Variants in ROBO1 observed in about 807,000 individuals in gnomAD.
ROBO1 encodes the protein roundabout homolog 1.
Under a neutral mutation model 195.9 loss-of-function variants are expected in ROBO1, and 149 were observed. The observed-to-expected ratio is 0.76, with a 90% CI of 0.67 to 0.87. ROBO1 has a LOEUF of 0.87. Ranked by LOEUF, ROBO1 falls within the 40% of genes least tolerant of loss-of-function variation. ROBO1 has a pLI of 0.00. For missense variants in ROBO1, 1,933 were observed against 2,068.3 expected, an observed-to-expected ratio of 0.93 and a Z score of 1.27; for synonymous variants, 816 against 733.2, an observed-to-expected ratio of 1.11 and a Z score of -1.82.
At chr3:78,898,339 A>G (rs1308977578) in intron 4 of ROBO1, among the ~76,000 whole-genome samples, 4 of 148,388 alleles carry the variant, frequency 2.7e-5, no homozygotes, top group African/African-American at 7.4e-5. Flanking sequence ...ATATAGAGAG[A>G]GAGACAGATA....
At chr3:78,636,808 A>C (rs921733306) in intron 22 of ROBO1, among the ~76,000 whole-genome samples, 4 of 151,062 alleles carry the variant, frequency 2.6e-5, no homozygotes, top group Non-Finnish European at 4.4e-5. Flanking sequence ...TAACCTGGGT[A>C]ATTGAATCAA....
At position 78,711,350 on chromosome 3, in the gene ROBO1, C is replaced by CCTTTCTTTTCTTTCTTTCTTT. The variant is rs1302958232; in HGVS notation, c.1045+3046_1045+3047insAAAGAAAGAAAGAAAAGAAAG. ...CTCCTTCCTTCCTTCCTTCCTTCCT[C>CCTTTCTTTTCTTTCTTTCTTT]CTTCCTTCCTTCCTTCCTTCCTTCC... On this transcript the variant is annotated intron_variant, in intron 8 of 30. Transcript: ENST00000464233. Among the ~76,000 whole-genome samples the CCTTTCTTTTCTTTCTTTCTTT allele has an allele frequency of 1.7e-3, 78 of 46,718 alleles. 2 individuals are homozygous for CCTTTCTTTTCTTTCTTTCTTT. The highest frequency in any genetic ancestry group is 1.0e-2 in the African/African-American group (66 of 6,622). 30.6% of individuals were successfully genotyped at this position (46,718 alleles called of 152,430 possible). A position where few individuals can be genotyped will look rare whatever the true frequency, so the allele number is the denominator to read the frequency against.
At chr3:78,777,227 A>G (rs770063203) in intron 4 of ROBO1, among the ~76,000 whole-genome samples, 4 of 152,232 alleles carry the variant, frequency 2.6e-5, no homozygotes, top group Non-Finnish European at 5.9e-5. Context: ...AACAGTACCA[A>G]TAATATCTGA....
intron 3 of ROBO1, among the ~76,000 whole-genome samples, chr3:78,958,874 G>C (rs2041185565): frequency 6.7e-6 from 1 of 148,938 alleles, no homozygotes; most frequent in Non-Finnish European, 1.5e-5. Context: ...ATCCAGGTTG[G>C]AGTGCAGTGG....
chr3:79,458,481 A>G (rs1272796534), intron 2 of ROBO1, among the ~76,000 whole-genome samples: 3 of 152,112 alleles, frequency 2.0e-5, no homozygotes, highest in Non-Finnish European at 4.4e-5. Flanking sequence ...TAAAGGATGC[A>G]TGAGGGGATG....
intron 4 of ROBO1, among the ~76,000 whole-genome samples, chr3:78,772,969 T>TA (rs1246384742): frequency 2.0e-5 from 3 of 152,210 alleles, no homozygotes; most frequent in African/African-American, 7.2e-5. Context: ...GGGCAAGAAT[T>TA]ATGTTTTATA....
rs556161437 is a variant in ROBO1, at chr3:78,751,560, A to G, written c.500-4660T>C. ...TTGCCTGCCTATCTGGTCTTAACATAGTGTTCATAATTCTAAATACACAAG... is the reference window on the plus strand; with the variant it reads ...TTGCCTGCCTATCTGGTCTTAACATGGTGTTCATAATTCTAAATACACAAG... On this transcript the variant is annotated intron_variant, in intron 4 of 30. Transcript: ENST00000464233. Among the ~76,000 whole-genome samples the G allele has an allele frequency of 2.8e-4, 42 of 152,290 alleles. No individual in the cohort carries two copies. In the East Asian group the frequency reaches 7.5e-3, roughly 27 times the overall value.
intron 4 of ROBO1, among the ~76,000 whole-genome samples, chr3:78,807,969 G>A (rs1330928091): frequency 6.6e-6 from 1 of 152,108 alleles, no homozygotes; most frequent in African/African-American, 2.4e-5. Flanking sequence ...TCACATAACA[G>A]TGATAGAAAA....
At position 79,432,400 on chromosome 3, in the gene ROBO1, G is replaced by A. The variant is rs185808639; in HGVS notation, c.88+157424C>T. ...GTTAAAGGGGAGGGAATAAACTCGA[G>A]ACCATTACATCACTCATAGGAATTT... On this transcript the variant is annotated intron_variant, in intron 2 of 30. Transcript: ENST00000464233. 3.0e-3 allele frequency among the ~76,000 whole-genome samples: 451 copies of A among 152,170 alleles called. 2 individuals are homozygous for A. Among genetic ancestry groups the A allele is most frequent in the African/African-American group, 9.4e-3 (392 of 41,534 alleles).
At chr3:79,763,038 G>A (rs2107528568) in intron 1 of ROBO1, among the ~76,000 whole-genome samples, 1 of 152,272 alleles carries the variant, frequency 6.6e-6, no homozygotes, top group South Asian at 2.1e-4. Context: ...AGTGTGGCAG[G>A]GAGGATGATA....
At chr3:79,033,311 C>T (rs1318883504) in intron 3 of ROBO1, among the ~76,000 whole-genome samples, 1 of 151,960 alleles carries the variant, frequency 6.6e-6, no homozygotes. Flanking sequence ...TAAAGTAATA[C>T]TTCTACCTAG....
At chr3:79,020,549 G>T (rs973317940) in intron 3 of ROBO1, among the ~76,000 whole-genome samples, 1 of 152,064 alleles carries the variant, frequency 6.6e-6, no homozygotes, top group Admixed American at 6.6e-5. Context: ...AAAATTAGCC[G>T]GGCGTGGTGG....
intron 2 of ROBO1, among the ~76,000 whole-genome samples, chr3:79,525,555 T>TATAA (rs1437646631): frequency 6.2e-5 from 9 of 145,020 alleles, no homozygotes; most frequent in South Asian, 2.1e-4. Flanking sequence ...TATATATATA[T>TATAA]AAATATATAT....
At chr3:78,795,545 G>A (rs370457810) in intron 4 of ROBO1, among the ~76,000 whole-genome samples, 5 of 152,326 alleles carry the variant, frequency 3.3e-5, no homozygotes, top group South Asian at 4.1e-4. Flanking sequence ...TGCCAAGGTC[G>A]CTTCCTTCAG....
At chr3:79,758,189 AC>A (rs1704508230) in intron 1 of ROBO1, among the ~76,000 whole-genome samples, 1 of 152,146 alleles carries the variant, frequency 6.6e-6, no homozygotes, top group Non-Finnish European at 1.5e-5. Flanking sequence ...TCTTCCCAAC[AC>A]TGTCCAATAG....
At chr3:79,568,020 C>CCATA (rs2107735049) in intron 2 of ROBO1, among the ~76,000 whole-genome samples, 1 of 152,128 alleles carries the variant, frequency 6.6e-6, no homozygotes, top group Admixed American at 6.6e-5. Flanking sequence ...AATGAAAATA[C>CCATA]CATATCCTTT....
intron 4 of ROBO1, among the ~76,000 whole-genome samples, chr3:78,893,750 A>G (rs2107394208): frequency 6.6e-6 from 1 of 152,248 alleles, no homozygotes; most frequent in South Asian, 2.1e-4. Context: ...GAATTTCATA[A>G]AAGTAGATGC....
intron 4 of ROBO1, among the ~76,000 whole-genome samples, chr3:78,886,448 C>T (rs1460138505): frequency 6.6e-6 from 1 of 151,900 alleles, no homozygotes; most frequent in Non-Finnish European, 1.5e-5. Flanking sequence ...ACAAAAACTA[C>T]CCAGGTGTGT....
chr3:78,922,603 TTC>T (rs1183681753), intron 4 of ROBO1, among the ~76,000 whole-genome samples: 19 of 121,704 alleles, frequency 1.6e-4, no homozygotes, highest in South Asian at 2.6e-4. Flanking sequence ...CTTCTTCTTC[TTC>T]TTTTTTTTTT....
Sources: allele counts gnomAD v4.1 joint callset (sites outside exome capture counted in the v4.1 genomes callset), GRCh38; gene constraint gnomAD v4.1.1; transcripts MANE v1.5; gene names NCBI Gene and HGNC (gene_info 2026-07-23, HGNC 2026-07-21).